Variants in LMX1B observed in about 807,000 individuals in gnomAD.
The protein encoded by LMX1B is LIM homeobox transcription factor 1 beta.
A neutral mutation model predicts 51.4 loss-of-function variants in LMX1B; 12 were observed. The observed-to-expected ratio is 0.23, with a 90% CI of 0.15 to 0.38. The LOEUF (loss-of-function observed/expected upper bound fraction) is 0.38. Ranked by LOEUF, LMX1B falls within the 10% of genes least tolerant of loss-of-function variation. The probability of loss-of-function intolerance (pLI) is 1.00; values close to 1 mark genes in which losing one functional copy is unlikely to be tolerated. For synonymous variants in LMX1B, 237 were observed against 235.4 expected, an observed-to-expected ratio of 1.01 and a Z score of -0.06; for missense variants, 445 against 571.1, an observed-to-expected ratio of 0.78 and a Z score of 2.25.
At chr9:126,650,660 C>T (rs934912011) in intron 2 of LMX1B, among the ~76,000 whole-genome samples, 3 of 152,212 alleles carry the variant, frequency 2.0e-5, no homozygotes, top group Non-Finnish European at 4.4e-5. Context: ...CTGCCCACCA[C>T]TCAGGCCAGC....
At chr9:126,629,229 T>C (rs948812335) in intron 2 of LMX1B, among the ~76,000 whole-genome samples, 5 of 152,046 alleles carry the variant, frequency 3.3e-5, no homozygotes, top group Admixed American at 6.5e-5. Flanking sequence ...GACCTAACAC[T>C]TCCCAAGTTT....
Position 126,690,885 on chromosome 9 carries a change from G to A in LMX1B, c.376G>A (p.Glu126Lys), listed in dbSNP as rs761336753. The A allele has an allele frequency of 1.2e-6, 2 of 1,613,766 alleles. No homozygotes were observed. Among genetic ancestry groups the A allele is most frequent in the South Asian group, 1.1e-5 (1 of 91,054 alleles). ...SGCMEKIAPT[E>K]FVMRALECVY... ...CTGCATGGAGAAGATCGCCCCCACC[G>A]AGTTCGTGATGCGGGCGCTGGAGTG... is the stretch of plus-strand genomic sequence containing the variant. The change falls in exon 3 of 8, where the codon GAG becomes AAG. Residue 126 changes from glutamate to lysine, a missense_variant. Physicochemically the swap from Glu to Lys is moderately conservative, Grantham distance 56. Around this residue, in one of 3 missense-constraint regions of LMX1B, gnomAD observed 273 missense variants for 343.3 expected, o/e 0.80. Coordinates refer to ENST00000373474, the MANE Select transcript of LMX1B (RefSeq NM_001174147.2).
intron 2 of LMX1B, among the ~76,000 whole-genome samples, chr9:126,622,907 C>CCTCA (rs1251263746): frequency 1.3e-5 from 2 of 152,260 alleles, no homozygotes; most frequent in African/African-American, 2.4e-5. Context: ...TCTTCCTGAG[C>CCTCA]CTCAGTTCCC....
At chr9:126,621,764 AG>A (rs756660370) in intron 2 of LMX1B, among the ~76,000 whole-genome samples, 20 of 149,806 alleles carry the variant, frequency 1.3e-4, no homozygotes, top group Admixed American at 2.7e-4. Context: ...ATCTTCTCTC[AG>A]AAAAATGTTT....
At chr9:126,693,624 C>T (rs2030223138) in intron 5 of LMX1B, 23 bp downstream of exon 5, 1 of 1,613,582 alleles carries the variant, frequency 6.2e-7, no homozygotes, top group Non-Finnish European at 8.5e-7. Flanking sequence ...CCCCCATCCC[C>T]ACTGGCCCCG....
chr9:126,691,917 C>G (rs551865218), intron 3 of LMX1B, among the ~76,000 whole-genome samples: 92 of 152,328 alleles, frequency 6.0e-4, no homozygotes, highest in South Asian at 4.1e-4. Flanking sequence ...AATTTGAAGG[C>G]CTCCTGGCAG....
At chr9:126,690,795 C>A in intron 2 of LMX1B, 41 bp from the exon 3 acceptor site, 1 of 1,547,578 alleles carries the variant, frequency 6.5e-7, no homozygotes, top group South Asian at 1.2e-5. Flanking sequence ...CTGGGAGGGA[C>A]TTCTGAGCAC....
intron 2 of LMX1B, among the ~76,000 whole-genome samples, chr9:126,683,018 C>T (rs952096333): frequency 6.6e-6 from 1 of 151,746 alleles, no homozygotes; most frequent in African/African-American, 2.4e-5. Flanking sequence ...CCCGTCCCTC[C>T]CTGTCCCTGG....
chr9:126,689,748 T>C (rs1316772642), intron 2 of LMX1B, among the ~76,000 whole-genome samples: 1 of 152,110 alleles, frequency 6.6e-6, no homozygotes, highest in Non-Finnish European at 1.5e-5. Flanking sequence ...TGGAATCACG[T>C]TGTCATGTGG....
Position 126,671,346 on chromosome 9 carries a change from G to A in LMX1B, c.327-19490G>A, listed in dbSNP as rs1047349823. Among the ~76,000 whole-genome samples, 1 of 152,156 alleles carries A rather than the reference G, an allele frequency of 6.6e-6. No homozygotes were observed. The highest frequency in any genetic ancestry group is 6.5e-5 in the Admixed American group (1 of 15,292). ...ATCAGCTAAATGAGGTGCGCCAGCA[G>A]AAGGCCCGCCAGGCCCACAGCCCTC... On this transcript the variant is annotated intron_variant, in intron 2 of 7. Transcript: ENST00000373474. This position sits in a 1 kb window ranked among gnomAD's most constrained non-coding sequence, Gnocchi z 4.4.
chr9:126,650,910 C>T (rs1374233303), intron 2 of LMX1B, among the ~76,000 whole-genome samples: 1 of 152,238 alleles, frequency 6.6e-6, no homozygotes, highest in Non-Finnish European at 1.5e-5. Context: ...ATGGCCCCTC[C>T]TCCCCGGGGC....
At chr9:126,688,086 G>T (rs1034807673) in intron 2 of LMX1B, among the ~76,000 whole-genome samples, 1 of 152,176 alleles carries the variant, frequency 6.6e-6, no homozygotes, top group Non-Finnish European at 1.5e-5. Context: ...TATAAAGTGC[G>T]CGCAGTTTGT....
chr9:126,676,246 G>A (rs567149323), intron 2 of LMX1B, among the ~76,000 whole-genome samples: 8 of 152,000 alleles, frequency 5.3e-5, no homozygotes, highest in East Asian at 3.9e-4. Flanking sequence ...TGGCCTCTCC[G>A]TCACCTCCCA....
intron 2 of LMX1B, among the ~76,000 whole-genome samples, chr9:126,653,089 A>G (rs1836050914): frequency 7.0e-6 from 1 of 141,890 alleles, no homozygotes; most frequent in African/African-American, 2.6e-5. Flanking sequence ...ACATCCCCCC[A>G]TCCCAAACCC....
chr9:126,634,932 C>T (rs1272444786), intron 2 of LMX1B, among the ~76,000 whole-genome samples: 1 of 152,124 alleles, frequency 6.6e-6, no homozygotes, highest in Non-Finnish European at 1.5e-5. Context: ...GCACAGGGCT[C>T]CCCGCTCCTT....
chr9:126,644,944 G>A (rs368828874), intron 2 of LMX1B, among the ~76,000 whole-genome samples: 77 of 152,250 alleles, frequency 5.1e-4, no homozygotes, highest in African/African-American at 1.7e-3. Context: ...CGGAGGGCCT[G>A]GGGGCTTCTC....
At chr9:126,678,796 A>G (rs185763995) in intron 2 of LMX1B, among the ~76,000 whole-genome samples, 2 of 152,340 alleles carry the variant, frequency 1.3e-5, no homozygotes, top group Admixed American at 1.3e-4. Context: ...AATTATCTCA[A>G]TGAGAATAAT....
At chr9:126,694,886 C>T (rs939743834) in intron 6 of LMX1B, among the ~76,000 whole-genome samples, 1 of 152,110 alleles carries the variant, frequency 6.6e-6, no homozygotes, top group East Asian at 1.9e-4. Context: ...TCCCACAGTC[C>T]CCCCAGCTCA....
chr9:126,635,995 G>A (rs1305204797), intron 2 of LMX1B, among the ~76,000 whole-genome samples: 1 of 152,150 alleles, frequency 6.6e-6, no homozygotes, highest in Non-Finnish European at 1.5e-5. Flanking sequence ...GATGGGAGTG[G>A]CAGCCACTTC....
Sources: gnomAD v4.1 joint callset for allele counts (sites outside exome capture counted in the v4.1 genomes callset) on GRCh38, gnomAD v4.1.1 for gene constraint, gnomAD v4.1.1 regional missense constraint, Gnocchi (gnomAD v3.1) non-coding constraint, MANE v1.5 for transcripts, NCBI Gene and HGNC (gene_info 2026-07-23, HGNC 2026-07-21) for gene names.